The following XPR1 variants were observed in gnomAD, a reference collection of about 807,000 sequenced individuals.
XPR1 encodes solute carrier family 53 member 1.
A neutral mutation model predicts 87.5 loss-of-function variants in XPR1; 28 were observed. That is an observed-to-expected ratio of 0.32 (90% confidence interval 0.24 to 0.44). The LOEUF (loss-of-function observed/expected upper bound fraction) is 0.44. Among genes scored for constraint, XPR1 ranks in the 20% least tolerant of loss-of-function variants. XPR1 has a pLI of 1.00. For missense variants in XPR1, 559 were observed against 862.3 expected, an observed-to-expected ratio of 0.65 and a Z score of 4.41; for synonymous variants, 300 against 306.1, an observed-to-expected ratio of 0.98 and a Z score of 0.21.
intron 2 of XPR1, among the ~76,000 whole-genome samples, chr1:180,746,269 C>G (rs1235944607): frequency 6.6e-6 from 1 of 152,000 alleles, no homozygotes; most frequent in African/African-American, 2.4e-5. Context: ...CCCTCACCTC[C>G]CCCACCTTCC....
intron 2 of XPR1, among the ~76,000 whole-genome samples, chr1:180,690,248 TAGA>T (rs1656933432): frequency 1.3e-5 from 2 of 152,104 alleles, no homozygotes; most frequent in Non-Finnish European, 2.9e-5. Flanking sequence ...TTTCAGAGGA[TAGA>T]AGAAGACATT....
chr1:180,683,005 G>GT (rs752795008), intron 2 of XPR1, among the ~76,000 whole-genome samples: 5 of 151,852 alleles, frequency 3.3e-5, no homozygotes, highest in South Asian at 2.1e-4. Context: ...AAGTTTTAGG[G>GT]TACATGTGCA....
chr1:180,810,780 T>G (rs1387316014), intron 6 of XPR1, among the ~76,000 whole-genome samples: 1 of 151,462 alleles, frequency 6.6e-6, no homozygotes, highest in Non-Finnish European at 1.5e-5. Flanking sequence ...CTCATATGTA[T>G]ATATATATGT....
intron 1 of XPR1, among the ~76,000 whole-genome samples, chr1:180,636,779 C>T (rs1040592048): frequency 7.2e-5 from 11 of 152,028 alleles, no homozygotes; most frequent in Non-Finnish European, 1.5e-4. Context: ...GGGCTGGACA[C>T]GGTGGCTCAC....
At chr1:180,791,149 T>C (rs973622092) in intron 3 of XPR1, among the ~76,000 whole-genome samples, 2 of 152,210 alleles carry the variant, frequency 1.3e-5, no homozygotes, top group African/African-American at 2.4e-5. Flanking sequence ...TACTATGACA[T>C]TTTTTGAAAA....
Position 180,824,807 on chromosome 1 carries a change from G to A in XPR1, c.818G>A (p.Arg273Gln), listed in dbSNP as rs1210964438. ...ATATGGCCCTTGATAAGAATCTATC[G>A]GGGTGGCTTTCTTCTGATTGAATTC... The part of the protein sequence containing the change: ...RSIWPLIRIY[R>Q]GGFLLIEFLF... The change falls in exon 8 of 15, where the codon CGG (arginine) becomes CAG (glutamine). Residue 273 changes from arginine to glutamine, a missense_variant. Physicochemically the swap from Arg to Gln is conservative, Grantham distance 43. Transcript: ENST00000367590. The A allele has an allele frequency of 6.8e-6, 11 of 1,613,766 alleles. No individual in the cohort carries two copies. The highest frequency in any genetic ancestry group is 2.2e-5 in the East Asian group (1 of 44,854).
intron 1 of XPR1, among the ~76,000 whole-genome samples, chr1:180,635,147 T>TA (rs1333462399): frequency 6.6e-5 from 10 of 152,084 alleles, no homozygotes; most frequent in Non-Finnish European, 1.2e-4. Flanking sequence ...GGCAGAATAA[T>TA]AAAGCATAAA....
intron 2 of XPR1, among the ~76,000 whole-genome samples, chr1:180,773,406 A>G (rs1264945429): frequency 3.3e-5 from 5 of 152,218 alleles, no homozygotes; most frequent in Non-Finnish European, 7.3e-5. Context: ...CTCTTGTAAG[A>G]CTTTATAAAC....
chr1:180,671,957 G>A (rs1478026708), intron 1 of XPR1, among the ~76,000 whole-genome samples: 1 of 152,094 alleles, frequency 6.6e-6, no homozygotes, highest in Non-Finnish European at 1.5e-5. Context: ...GTGTGATTTG[G>A]ATACTGGTGA....
intron 3 of XPR1, among the ~76,000 whole-genome samples, chr1:180,794,941 A>G (rs1484607567): frequency 6.6e-6 from 1 of 152,230 alleles, no homozygotes; most frequent in Non-Finnish European, 1.5e-5. Context: ...TTTGAGGTAC[A>G]CAGTTTCAAG....
intron 11 of XPR1, among the ~76,000 whole-genome samples, chr1:180,860,057 A>G (rs1375650142): frequency 6.6e-6 from 1 of 152,068 alleles, no homozygotes; most frequent in East Asian, 1.9e-4. Context: ...CAAATATTTT[A>G]CCAAATCCAT....
At chr1:180,820,135 T>G (rs943214240) in intron 7 of XPR1, among the ~76,000 whole-genome samples, 10 of 152,186 alleles carry the variant, frequency 6.6e-5, no homozygotes, top group African/African-American at 2.2e-4. Flanking sequence ...TTTTTTTAAT[T>G]GAGGTGAAGT....
intron 2 of XPR1, among the ~76,000 whole-genome samples, chr1:180,738,853 A>G (rs760552327): frequency 6.6e-6 from 1 of 152,124 alleles, no homozygotes; most frequent in African/African-American, 2.4e-5. Context: ...TCATTCTTTT[A>G]ACAGTGGCCT....
intron 1 of XPR1, among the ~76,000 whole-genome samples, chr1:180,666,636 A>G (rs1011307176): frequency 6.6e-5 from 10 of 152,138 alleles, no homozygotes; most frequent in African/African-American, 2.2e-4. Context: ...TAGAAATGCA[A>G]CTGATTTTTG....
intron 3 of XPR1, among the ~76,000 whole-genome samples, chr1:180,797,829 TA>T (rs771342402): frequency 2.6e-5 from 4 of 152,182 alleles, no homozygotes; most frequent in Non-Finnish European, 5.9e-5. Context: ...GATTACTTAA[TA>T]AATAGAAGCA....
intron 2 of XPR1, among the ~76,000 whole-genome samples, chr1:180,724,143 C>G (rs1163773358): frequency 6.6e-6 from 1 of 152,076 alleles, no homozygotes; most frequent in African/African-American, 2.4e-5. Flanking sequence ...TAATGTGAGA[C>G]ACATGTTCTA....
At chr1:180,632,720 A>G (rs1185655819) in intron 1 of XPR1, among the ~76,000 whole-genome samples, 1 of 152,194 alleles carries the variant, frequency 6.6e-6, no homozygotes, top group Non-Finnish European at 1.5e-5. Flanking sequence ...ACCTCTCACC[A>G]AGGAATCCTT....
intron 9 of XPR1, among the ~76,000 whole-genome samples, chr1:180,826,834 AG>A (rs980703733): frequency 8.6e-5 from 13 of 152,042 alleles, no homozygotes; most frequent in African/African-American, 2.7e-4. Context: ...TTTAATCTGA[AG>A]ACATAAAATA....
intron 11 of XPR1, among the ~76,000 whole-genome samples, chr1:180,856,037 C>T (rs947358161): frequency 2.0e-5 from 3 of 152,086 alleles, no homozygotes; most frequent in Non-Finnish European, 2.9e-5. Flanking sequence ...TTAAGAGTCC[C>T]CTACTCTAAA....
Sources: gnomAD v4.1 joint callset for allele counts (sites outside exome capture counted in the v4.1 genomes callset) on GRCh38, gnomAD v4.1.1 for gene constraint, MANE v1.5 for transcripts, NCBI Gene and HGNC (gene_info 2026-07-23, HGNC 2026-07-21) for gene names.